Variants in HTN3 observed in about 807,000 individuals in gnomAD.
The protein encoded by HTN3 is histatin 3, also known as histatin-3.
Under a neutral mutation model 10.6 loss-of-function variants are expected in HTN3, and 15 were observed. The observed-to-expected ratio is 1.42, with a 90% CI of 0.95 to 2.18. The LOEUF (loss-of-function observed/expected upper bound fraction) is 2.18, where lower values mean the gene tolerates loss of function less well. Among genes scored for constraint, HTN3 ranks in the 30% most tolerant of loss-of-function variants. The pLI, the probability that HTN3 is intolerant of heterozygous loss-of-function variation, is 0.00. For synonymous variants in HTN3, 15 were observed against 16.9 expected (o/e 0.89, Z 0.27); for missense variants, 68 against 58.0 (o/e 1.17, Z -0.56).
intron 1 of HTN3, among the ~76,000 whole-genome samples, chr4:70,029,366 A>C (rs1458763975): frequency 6.6e-6 from 1 of 152,022 alleles, no homozygotes; most frequent in African/African-American, 2.4e-5. Context: ...AGTCCTATAC[A>C]AGAAGTTTCC....
intron 5 of HTN3, among the ~76,000 whole-genome samples, chr4:70,035,813 CA>C (rs1489725299): frequency 6.6e-6 from 1 of 152,054 alleles, no homozygotes; most frequent in Non-Finnish European, 1.5e-5. Flanking sequence ...CAAAAGATTT[CA>C]AATATTTTTA....
At position 70,032,059 on chromosome 4, in the gene HTN3, TTTTCTTTTTA is replaced by T. The variant is rs1274647838; in HGVS notation, c.73-14_73-5del. On this transcript the variant is annotated splice_polypyrimidine_tract_variant and intron_variant, in intron 3 of 5. Coordinates refer to ENST00000673563, the MANE Select transcript of HTN3 (RefSeq NM_000200.3). ...TTAATCATATATTGAATTTTTAATCTTTTCTTTTTATTTCATAGAGACATCATGGGTATAA... is the reference window on the plus strand; with the variant it reads ...TTAATCATATATTGAATTTTTAATCTTTTCATAGAGACATCATGGGTATAA... 2 of 1,537,204 alleles carry T rather than the reference TTTTCTTTTTA, an allele frequency of 1.3e-6. No homozygotes were observed. The highest frequency in any genetic ancestry group is 4.5e-5 in the East Asian group (2 of 44,100).
intron 4 of HTN3, among the ~76,000 whole-genome samples, chr4:70,032,717 T>TA: frequency 6.6e-6 from 1 of 152,148 alleles, no homozygotes; most frequent in East Asian, 1.9e-4. Flanking sequence ...ACTGTTTGTG[T>TA]TAACAGCAGT....
In HTN3 at chr4:70,033,208, G is replaced by A; in HGVS notation, c.144G>A (p.Leu48=). Residue 48 remains leucine (L), a synonymous_variant, in exon 5 of 6, where the codon CTG becomes CTA. Coordinates refer to ENST00000673563, the MANE Select transcript of HTN3 (RefSeq NM_000200.3). ...HSHRGYRSNY[L]YDN ...ATCGAGGCTATAGATCAAATTATCT[G>A]TATGACAATTGATATCTTCAGTAAT... is the stretch of plus-strand genomic sequence containing the variant. 6.3e-7 allele frequency: 1 copy of A among 1,596,564 alleles called. No individual in the cohort carries two copies. Among genetic ancestry groups the A allele is most frequent in the Non-Finnish European group, 8.6e-7 (1 of 1,167,826 alleles).
At chr4:70,029,702 T>G (rs1484237192) in intron 1 of HTN3, among the ~76,000 whole-genome samples, 4 of 150,710 alleles carry the variant, frequency 2.7e-5, no homozygotes, top group African/African-American at 1.0e-4. Flanking sequence ...CGCTTTACTT[T>G]TTTATATCAG....
chr4:70,032,178 T>G, intron 4 of HTN3, 71 bp downstream of exon 4: 1 of 950,396 alleles, frequency 1.1e-6, no homozygotes, highest in Non-Finnish European at 1.6e-6. Flanking sequence ...CCTAGAATAA[T>G]TGATAGTTAT....
intron 5 of HTN3, 155 bp downstream of exon 5, chr4:70,033,408 C>T (rs1196506431): frequency 9.9e-6 from 5 of 507,440 alleles, no homozygotes; most frequent in Admixed American, 7.7e-5. Context: ...TATATAGATG[C>T]TTCTGACTTT....
At chr4:70,032,665 T>TA (rs141014987) in intron 4 of HTN3, among the ~76,000 whole-genome samples, 2,123 of 152,128 alleles carry the variant, frequency 0.014, 50 homozygotes, top group African/African-American at 0.049. Context: ...GTATATGTGT[T>TA]AAAAAAGCAC....
At chr4:70,031,823 G>A (rs749916703) in intron 2 of HTN3, among the ~76,000 whole-genome samples, 156 bp from the exon 3 acceptor site, 2 of 151,946 alleles carry the variant, frequency 1.3e-5, no homozygotes, top group African/African-American at 4.8e-5. Flanking sequence ...TCATTTTAAA[G>A]ATGTCATAAA....
intron 4 of HTN3, 78 bp from the exon 5 acceptor site, chr4:70,033,089 T>A (rs1725426375): frequency 5.2e-6 from 5 of 966,964 alleles, no homozygotes; most frequent in Non-Finnish European, 8.1e-6. Context: ...AAGCTTTCAG[T>A]GACAGTTTTT....
rs747531085 is a variant in HTN3, at chr4:70,033,183, A to T, written c.119A>T (p.His40Leu). 7 of 1,606,852 alleles carry T rather than the reference A, an allele frequency of 4.4e-6. No individual in the cohort carries two copies. The highest frequency in any genetic ancestry group is 2.2e-5 in the East Asian group (1 of 44,748). The change falls in exon 5 of 6, where the codon CAT becomes CTT. Residue 40 changes from histidine (H) to leucine (L), a missense_variant. Physicochemically the swap from His to Leu is moderately conservative, Grantham distance 99. Coordinates refer to ENST00000673563, the MANE Select transcript of HTN3 (RefSeq NM_000200.3). The stretch of plus-strand genomic sequence containing the variant: ...TGTATGCAGGAAAAGCATCATTCAC[A>T]TCGAGGCTATAGATCAAATTATCTG... ...KRKFHEKHHSHRGYRSNYLYD... is the reference protein window; with the variant it reads ...KRKFHEKHHSLRGYRSNYLYD...
At chr4:70,035,863 C>G (rs1044303320) in intron 5 of HTN3, among the ~76,000 whole-genome samples, 3 of 152,000 alleles carry the variant, frequency 2.0e-5, no homozygotes, top group African/African-American at 4.8e-5. Flanking sequence ...AATTCCTGCT[C>G]TTCGTGATAT....
intron 2 of HTN3, among the ~76,000 whole-genome samples, chr4:70,031,709 C>T (rs1725385294): frequency 1.3e-5 from 2 of 152,018 alleles, no homozygotes; most frequent in East Asian, 1.9e-4. Flanking sequence ...CTCTCTTATT[C>T]ACCAATGATA....
rs745473908 is a variant in HTN3, at chr4:70,030,720, T to C, written c.-13-8T>C. The C allele has an allele frequency of 4.7e-5, 74 of 1,586,752 alleles. No individual in the cohort carries two copies. The highest frequency in any genetic ancestry group is 6.3e-5 in the Non-Finnish European group (73 of 1,155,814). ...GTGATTACTGATTTTTCATGTTTGA[T>C]TTTATAGGACTCAGCCAACTATGAA... On this transcript the variant is annotated splice_region_variant and splice_polypyrimidine_tract_variant and intron_variant, in intron 1 of 5. Coordinates refer to ENST00000673563, the MANE Select transcript of HTN3 (RefSeq NM_000200.3).
chr4:70,033,076 T>A (rs1578174490), intron 4 of HTN3, 91 bp from the exon 5 acceptor site: 1 of 865,438 alleles, frequency 1.2e-6, no homozygotes, highest in East Asian at 2.5e-5. Context: ...ACTTTAACAA[T>A]CTAAGCTTTC....
chr4:70,034,599 G>C (rs878889392), intron 5 of HTN3, among the ~76,000 whole-genome samples: 4 of 152,130 alleles, frequency 2.6e-5, no homozygotes, highest in Non-Finnish European at 4.4e-5. Flanking sequence ...TTTTTCACTG[G>C]TGGTGAGAAT....
chr4:70,032,017 A>C lies in HTN3; in HGVS notation c.72+18A>C. The C allele has an allele frequency of 1.3e-6, 2 of 1,565,102 alleles. No homozygotes were observed. Among genetic ancestry groups the C allele is most frequent in the Non-Finnish European group, 1.8e-6 (2 of 1,139,982 alleles). Reference sequence around the variant, plus strand: ...ATGCAAAGGTAAGACATTTTCATTTACTGGAAAACTTGATAATTAATCATA... The same window carrying C: ...ATGCAAAGGTAAGACATTTTCATTTCCTGGAAAACTTGATAATTAATCATA... On this transcript the variant is annotated intron_variant, in intron 3 of 5. Coordinates refer to ENST00000673563, the MANE Select transcript of HTN3 (RefSeq NM_000200.3).
At chr4:70,035,074 G>A (rs899596002) in intron 5 of HTN3, among the ~76,000 whole-genome samples, 1 of 152,118 alleles carries the variant, frequency 6.6e-6, no homozygotes, top group Non-Finnish European at 1.5e-5. Flanking sequence ...ATAGAGGGCT[G>A]ATCAATAGTG....
intron 5 of HTN3, among the ~76,000 whole-genome samples, chr4:70,034,626 A>G (rs77784870): frequency 3.9e-5 from 6 of 152,188 alleles, no homozygotes; most frequent in Non-Finnish European, 5.9e-5. Context: ...TAGTTCAACC[A>G]TTGTGGAAAA....
Sources: gnomAD v4.1 joint callset for allele counts (sites outside exome capture counted in the v4.1 genomes callset) on GRCh38, gnomAD v4.1.1 for gene constraint, MANE v1.5 for transcripts, NCBI Gene and HGNC (gene_info 2026-07-23, HGNC 2026-07-21) for gene names.